Variants in AGPS observed in about 807,000 individuals in gnomAD.
AGPS encodes alkylglycerone phosphate synthase.
A neutral mutation model predicts 90.7 loss-of-function variants in AGPS; 26 were observed. That is an observed-to-expected ratio of 0.29 (90% CI 0.21 to 0.40). The LOEUF is 0.40. Among genes scored for constraint, AGPS ranks in the 10% least tolerant of loss-of-function variants. The pLI, the probability that AGPS is intolerant of heterozygous loss-of-function variation, is 1.00. For synonymous variants in AGPS, 294 were observed against 285.3 expected, an observed-to-expected ratio of 1.03 and a Z score of -0.31; for missense variants, 540 against 816.1, an observed-to-expected ratio of 0.66 and a Z score of 4.12.
At chr2:177,429,645 C>CA (rs1686180980) in intron 2 of AGPS, among the ~76,000 whole-genome samples, 1 of 152,176 alleles carries the variant, frequency 6.6e-6, no homozygotes, top group African/African-American at 2.4e-5. Context: ...GAGGTATCAC[C>CA]AGTGGAGGCT....
chr2:177,486,530 G>T (rs1031236597), intron 11 of AGPS, among the ~76,000 whole-genome samples: 11 of 151,490 alleles, frequency 7.3e-5, no homozygotes, highest in African/African-American at 2.7e-4. Flanking sequence ...AAAGTAGATG[G>T]TACATGGCTT....
intron 10 of AGPS, among the ~76,000 whole-genome samples, chr2:177,473,207 C>T (rs1687680486): frequency 6.6e-6 from 1 of 152,116 alleles, no homozygotes; most frequent in Non-Finnish European, 1.5e-5. Flanking sequence ...TGCTGAAGAT[C>T]TAGGTCCTGT....
At chr2:177,443,061 TTA>T (rs1686656131) in intron 7 of AGPS, among the ~76,000 whole-genome samples, 1 of 152,146 alleles carries the variant, frequency 6.6e-6, no homozygotes, top group African/African-American at 2.4e-5. Flanking sequence ...CATACTTTCT[TTA>T]TCTTTCTTTT....
At position 177,532,955 on chromosome 2, in the gene AGPS, T is replaced by C. The variant is rs76162661; in HGVS notation, c.1856-5119T>C. Among the ~76,000 whole-genome samples the C allele has an allele frequency of 6.3e-3, 963 of 152,266 alleles. 11 individuals are homozygous for C. Among genetic ancestry groups the C allele is most frequent in the African/African-American group, 0.021 (868 of 41,544 alleles). Reference sequence around the variant, plus strand: ...AAAATCTTAAGAGTAAAAAAAAGATTAGTGATTTCCAAAAGTTGAGGCTGG... The same window carrying C: ...AAAATCTTAAGAGTAAAAAAAAGATCAGTGATTTCCAAAAGTTGAGGCTGG... On this transcript the variant is annotated intron_variant, in intron 19 of 19. Coordinates refer to ENST00000264167, the MANE Select transcript of AGPS (RefSeq NM_003659.4).
chr2:177,501,719 G>A (rs369874181), intron 14 of AGPS, among the ~76,000 whole-genome samples: 3 of 152,142 alleles, frequency 2.0e-5, no homozygotes, highest in African/African-American at 7.2e-5. Context: ...CCAGGCTGGA[G>A]TGCAGTGGTG....
At chr2:177,451,104 G>A (rs1686935992) in intron 8 of AGPS, among the ~76,000 whole-genome samples, 1 of 151,754 alleles carries the variant, frequency 6.6e-6, no homozygotes, top group Admixed American at 6.6e-5. Flanking sequence ...TAGGACTACA[G>A]GCATGTGCCA....
chr2:177,441,913 A>G (rs1686614883), intron 6 of AGPS, among the ~76,000 whole-genome samples: 1 of 152,212 alleles, frequency 6.6e-6, no homozygotes. Flanking sequence ...CTCATAATCT[A>G]GACATTTTAA....
chr2:177,507,061 T>G (rs1688738840), intron 15 of AGPS, among the ~76,000 whole-genome samples: 1 of 152,042 alleles, frequency 6.6e-6, no homozygotes, highest in Non-Finnish European at 1.5e-5. Flanking sequence ...ATTACATGTT[T>G]TCTGTTTTTA....
chr2:177,521,412 A>C, intron 18 of AGPS, 44 bp downstream of exon 18: 2 of 1,425,834 alleles, frequency 1.4e-6, no homozygotes, highest in Non-Finnish European at 2.0e-6. Context: ...CTGTTGATTA[A>C]TTTCAATAAA....
chr2:177,460,585 C>CT (rs1274461452), intron 8 of AGPS, among the ~76,000 whole-genome samples: 1 of 152,046 alleles, frequency 6.6e-6, no homozygotes, highest in African/African-American at 2.4e-5. Flanking sequence ...CCATGAATGT[C>CT]TTTTTTTCTT....
intron 10 of AGPS, 86 bp from the exon 11 acceptor site, chr2:177,481,973 A>G (rs1187761736): frequency 2.3e-6 from 3 of 1,282,850 alleles, no homozygotes; most frequent in Non-Finnish European, 3.2e-6. Flanking sequence ...TGCATAATAA[A>G]TTGAATTAAT....
intron 8 of AGPS, among the ~76,000 whole-genome samples, chr2:177,458,012 C>G (rs1309305317): frequency 6.6e-6 from 1 of 152,190 alleles, no homozygotes; most frequent in Non-Finnish European, 1.5e-5. Flanking sequence ...GGCTTCATAC[C>G]TGGGATGCAA....
intron 1 of AGPS, among the ~76,000 whole-genome samples, chr2:177,406,380 T>C (rs1001072167): frequency 1.3e-5 from 2 of 152,226 alleles, no homozygotes; most frequent in Non-Finnish European, 2.9e-5. Context: ...AGATATGATG[T>C]AGCTGTAGTC....
chr2:177,518,572 T>C (rs1689090388), intron 17 of AGPS, among the ~76,000 whole-genome samples: 1 of 152,222 alleles, frequency 6.6e-6, no homozygotes, highest in Non-Finnish European at 1.5e-5. Context: ...ATTGTGATAC[T>C]TGTAAATGGT....
At chr2:177,399,051 A>G (rs1685261306) in intron 1 of AGPS, among the ~76,000 whole-genome samples, 1 of 152,192 alleles carries the variant, frequency 6.6e-6, no homozygotes, top group Admixed American at 6.5e-5. Context: ...CCTTCTCTAC[A>G]TAGACTTTTT....
intron 7 of AGPS, among the ~76,000 whole-genome samples, chr2:177,443,777 A>G (rs1282785904): frequency 6.6e-6 from 1 of 152,236 alleles, no homozygotes; most frequent in African/African-American, 2.4e-5. Context: ...TAGCTGAAGA[A>G]TAGCCTGTTC....
chr2:177,428,616 C>A (rs1228879601), intron 2 of AGPS, among the ~76,000 whole-genome samples: 2 of 152,126 alleles, frequency 1.3e-5, no homozygotes, highest in Non-Finnish European at 1.5e-5. Flanking sequence ...GTTGAAAATT[C>A]TTTTCTTTAA....
chr2:177,444,080 T>C (rs767044825), intron 7 of AGPS, among the ~76,000 whole-genome samples: 14 of 152,170 alleles, frequency 9.2e-5, no homozygotes, highest in Non-Finnish European at 2.1e-4. Flanking sequence ...GTCTTTTGTT[T>C]AGCTGCCAAA....
chr2:177,448,030 A>T (rs556928929), intron 8 of AGPS, among the ~76,000 whole-genome samples: 1 of 152,240 alleles, frequency 6.6e-6, no homozygotes, highest in Admixed American at 6.5e-5. Context: ...ACGTTTATTA[A>T]ATCTTTGGCT....
Sources: allele counts gnomAD v4.1 joint callset (sites outside exome capture counted in the v4.1 genomes callset), GRCh38; gene constraint gnomAD v4.1.1; transcripts MANE v1.5; gene names NCBI Gene and HGNC (gene_info 2026-07-23, HGNC 2026-07-21).